PRIMA1: variants seen among roughly 807,000 people sequenced by gnomAD.
PRIMA1 encodes the protein proline-rich membrane anchor 1.
In PRIMA1, 7 loss-of-function variants were observed where a neutral mutation model predicts 17.5. The observed-to-expected ratio is 0.40, with a 90% CI of 0.23 to 0.75. PRIMA1 has a LOEUF of 0.75. Among genes scored for constraint, PRIMA1 ranks in the 30% least tolerant of loss-of-function variants. The probability of loss-of-function intolerance (pLI) is 0.37; values close to 1 mark genes in which losing one functional copy is unlikely to be tolerated. For synonymous variants in PRIMA1, 97 were observed against 77.9 expected (o/e 1.25, Z -1.29); for missense variants, 200 against 201.8 (o/e 0.99, Z 0.05).
chr14:93,778,750 G>C (rs917433732), intron 3 of PRIMA1, among the ~76,000 whole-genome samples: 2 of 152,176 alleles, frequency 1.3e-5, no homozygotes, highest in South Asian at 2.1e-4. Flanking sequence ...TAGCTGAATG[G>C]CATCTTGAAA....
chr14:93,721,380 CT>C lies in PRIMA1; in HGVS notation c.*63del. ...CTCAGGGTTAGCTCATGTCCACCTG[CT>C]TTCCCATGTCCACCAGTGCCACCAA... On this transcript the variant is annotated 3_prime_UTR_variant, in exon 5 of 5. Transcript: ENST00000393140. 1 of 1,081,698 alleles carries C rather than the reference CT, an allele frequency of 9.2e-7. No individual in the cohort carries two copies. Among genetic ancestry groups the C allele is most frequent in the Non-Finnish European group, 1.4e-6 (1 of 706,604 alleles). The allele number at this position is 1,081,698 out of a possible 1,614,324, so 67.0% of individuals were successfully genotyped here. A position where few individuals can be genotyped will look rare whatever the true frequency, so the allele number is the denominator to read the frequency against.
chr14:93,748,263 C>T (rs1214390379), intron 3 of PRIMA1, among the ~76,000 whole-genome samples: 1 of 151,808 alleles, frequency 6.6e-6, no homozygotes, highest in Non-Finnish European at 1.5e-5. Flanking sequence ...CCACAGGGAG[C>T]AAGGACAATG....
chr14:93,786,400 A>G (rs1209794546), intron 2 of PRIMA1, among the ~76,000 whole-genome samples: 1 of 152,222 alleles, frequency 6.6e-6, no homozygotes, highest in African/African-American at 2.4e-5. Flanking sequence ...GCAGCGTCTG[A>G]ACCTGGCTAT....
At chr14:93,756,983 A>G (rs995053132) in intron 3 of PRIMA1, among the ~76,000 whole-genome samples, 1 of 152,210 alleles carries the variant, frequency 6.6e-6, no homozygotes, top group African/African-American at 2.4e-5. Context: ...ATTCCCGCTC[A>G]GTGTCCTTCA....
intron 4 of PRIMA1, among the ~76,000 whole-genome samples, chr14:93,732,528 T>C (rs181877725): frequency 1.4e-3 from 212 of 152,328 alleles, no homozygotes; most frequent in Admixed American, 3.3e-3. Flanking sequence ...TCTGGTCTGA[T>C]TGATGTCCAC....
chr14:93,765,265 T>C (rs1218596880), intron 3 of PRIMA1, among the ~76,000 whole-genome samples: 2 of 151,930 alleles, frequency 1.3e-5, no homozygotes, highest in African/African-American at 4.8e-5. Context: ...TTCATCATTG[T>C]CATCCAGCCA....
At chr14:93,772,988 C>T (rs1014430679) in intron 3 of PRIMA1, among the ~76,000 whole-genome samples, 3 of 152,148 alleles carry the variant, frequency 2.0e-5, no homozygotes, top group African/African-American at 7.2e-5. Flanking sequence ...TGTAGGGCAT[C>T]GAATCCTTCC....
At chr14:93,757,143 C>T (rs568515383) in intron 3 of PRIMA1, among the ~76,000 whole-genome samples, 4 of 151,792 alleles carry the variant, frequency 2.6e-5, no homozygotes, top group South Asian at 2.1e-4. Context: ...AGAGCCAGCA[C>T]GCAGTGGGAA....
chr14:93,749,708 G>A (rs888176191), intron 3 of PRIMA1, among the ~76,000 whole-genome samples: 1 of 152,204 alleles, frequency 6.6e-6, no homozygotes, highest in Admixed American at 6.5e-5. Context: ...GCACCTAGTT[G>A]ATGCTCAATA....
Position 93,726,997 on chromosome 14 carries a change from C to T in PRIMA1, c.360-5451G>A, listed in dbSNP as rs968470341. The stretch of plus-strand genomic sequence containing the variant: ...ATGAGACTCCTCTGTAGACCTCAGA[C>T]TTCCCCAAACCTGGGTCAAGAAGCT... On this transcript the variant is annotated intron_variant, in intron 4 of 4. Transcript: ENST00000393140. The surrounding 1 kb of genome is among the most constrained non-coding windows in gnomAD (Gnocchi z 4.2). 1.3e-5 allele frequency among the ~76,000 whole-genome samples: 2 copies of T among 152,240 alleles called. No homozygotes were observed. The highest frequency in any genetic ancestry group is 4.8e-5 in the African/African-American group (2 of 41,448).
intron 3 of PRIMA1, among the ~76,000 whole-genome samples, chr14:93,754,172 CTGATT>C (rs1487239465): frequency 6.6e-6 from 1 of 152,178 alleles, no homozygotes; most frequent in Non-Finnish European, 1.5e-5. Context: ...CAGGTGACAT[CTGATT>C]TAAGTTTCCT....
intron 4 of PRIMA1, among the ~76,000 whole-genome samples, chr14:93,733,564 C>T (rs1473305617): frequency 2.0e-5 from 3 of 152,058 alleles, no homozygotes; most frequent in Admixed American, 1.3e-4. Flanking sequence ...CTGACCTACC[C>T]GATTCTAGAA....
chr14:93,753,555 G>A (rs957900054), intron 3 of PRIMA1, among the ~76,000 whole-genome samples: 1 of 152,132 alleles, frequency 6.6e-6, no homozygotes, highest in South Asian at 2.1e-4. Flanking sequence ...GGGAGCAGGC[G>A]CTGCTTCTAT....
chr14:93,750,925 A>G (rs2076255497), intron 3 of PRIMA1, among the ~76,000 whole-genome samples: 1 of 152,224 alleles, frequency 6.6e-6, no homozygotes, highest in African/African-American at 2.4e-5. Context: ...CAGAAAGCAA[A>G]GCACAGCAGA....
intron 3 of PRIMA1, among the ~76,000 whole-genome samples, chr14:93,748,713 C>G (rs1356466375): frequency 6.6e-6 from 1 of 152,138 alleles, no homozygotes; most frequent in Non-Finnish European, 1.5e-5. Context: ...CTATTTCTGC[C>G]TGGTGCTCTG....
Position 93,737,315 on chromosome 14 carries a change from G to A in PRIMA1, c.285C>T (p.Ile95=). 1 of 1,614,152 alleles carries A rather than the reference G, an allele frequency of 6.2e-7. No homozygotes were observed. The highest frequency in any genetic ancestry group is 8.5e-7 in the Non-Finnish European group (1 of 1,180,022). ...GGGAGGCACAGCATACGGCAATGATGATCACCAGCCCCGACCACCAGCTTT... is the reference window on the plus strand; with the variant it reads ...GGGAGGCACAGCATACGGCAATGATAATCACCAGCCCCGACCACCAGCTTT... The part of the protein sequence containing the change: ...TEESWWSGLV[I]IIAVCCASLV... Residue 95 remains isoleucine (I), a synonymous_variant, in exon 4 of 5, where the codon ATC becomes ATT. Coordinates refer to ENST00000393140, the MANE Select transcript of PRIMA1 (RefSeq NM_178013.4).
At chr14:93,787,772 G>A in intron 1 of PRIMA1, 23 bp from the exon 2 acceptor site, 3 of 1,528,402 alleles carry the variant, frequency 2.0e-6, no homozygotes, top group East Asian at 4.9e-5. Flanking sequence ...CAAGGCTAGG[G>A]TCAGGCGGAC....
intron 4 of PRIMA1, among the ~76,000 whole-genome samples, chr14:93,723,615 G>A (rs912546688): frequency 2.0e-5 from 3 of 152,124 alleles, no homozygotes; most frequent in East Asian, 1.9e-4. Context: ...CCCAGCCACC[G>A]TGGCTTCTTC....
Position 93,721,124 on chromosome 14 carries a change from C to T in PRIMA1, c.*320G>A, listed in dbSNP as rs936786108. 3.4e-4 allele frequency: 99 copies of T among 293,688 alleles called. No individual in the cohort carries two copies. Among genetic ancestry groups the T allele is most frequent in the Non-Finnish European group, 5.4e-4 (85 of 156,850 alleles). 18.2% of individuals were successfully genotyped at this position (293,688 alleles called of 1,614,324 possible). A position where few individuals can be genotyped will look rare whatever the true frequency, so the allele number is the denominator to read the frequency against. On this transcript the variant is annotated 3_prime_UTR_variant, in exon 5 of 5. Transcript: ENST00000393140. ...GTAGAAAGACAGATCCCTCTGGCTT[C>T]GCCAGTGCGCATGCTTTAGACAGCA...
Sources: allele counts gnomAD v4.1 joint callset (sites outside exome capture counted in the v4.1 genomes callset), GRCh38; gene constraint gnomAD v4.1.1; non-coding constraint Gnocchi (gnomAD v3.1); transcripts MANE v1.5; gene names NCBI Gene and HGNC (gene_info 2026-07-23, HGNC 2026-07-21).